Variants in HECW1 observed in about 807,000 individuals in gnomAD.
The protein encoded by HECW1 is E3 ubiquitin-protein ligase HECW1.
HECW1 carries 61 observed loss-of-function variants against 182.3 expected under a neutral mutation model. The observed-to-expected ratio is 0.33, with a 90% CI of 0.27 to 0.41. The LOEUF is 0.41. HECW1 is among the 10% of genes least tolerant of loss of function. The pLI is 1.00. For synonymous variants in HECW1, 859 were observed against 832.6 expected (o/e 1.03, Z -0.55); for missense variants, 1,739 against 2,108.9 (o/e 0.82, Z 3.44).
chr7:43,295,279 G>T (rs1039156958), intron 3 of HECW1, among the ~76,000 whole-genome samples: 26 of 151,986 alleles, frequency 1.7e-4, no homozygotes, highest in African/African-American at 6.0e-4. Context: ...TGTGAGGGAG[G>T]TATATAGCTT....
chr7:43,223,388 C>T (rs1301387778), intron 2 of HECW1, among the ~76,000 whole-genome samples: 1 of 152,150 alleles, frequency 6.6e-6, no homozygotes, highest in Admixed American at 6.5e-5. Context: ...GAGGCTGAGG[C>T]GGGCAGATCA....
At chr7:43,367,919 C>A (rs942651288) in intron 6 of HECW1, among the ~76,000 whole-genome samples, 1 of 152,188 alleles carries the variant, frequency 6.6e-6, no homozygotes, top group African/African-American at 2.4e-5. Context: ...CTCTAATCTT[C>A]TTTTCCCAGA....
chr7:43,115,067 T>C (rs910053144), intron 2 of HECW1, among the ~76,000 whole-genome samples: 2 of 152,202 alleles, frequency 1.3e-5, no homozygotes, highest in African/African-American at 4.8e-5. Context: ...GTAAAGGAAG[T>C]TGGACTGGCT....
chr7:43,143,473 A>G (rs1788383575), intron 2 of HECW1, among the ~76,000 whole-genome samples: 2 of 151,734 alleles, frequency 1.3e-5, no homozygotes, highest in Admixed American at 6.6e-5. Context: ...TTTGTTAGAG[A>G]CAGGCTCTCA....
intron 4 of HECW1, among the ~76,000 whole-genome samples, chr7:43,312,318 G>A (rs1348063634): frequency 6.6e-6 from 1 of 152,168 alleles, no homozygotes; most frequent in Non-Finnish European, 1.5e-5. Flanking sequence ...GCAGAGTCAG[G>A]TGTGGTTAAA....
chr7:43,559,111 T>C (rs965460227), intron 29 of HECW1, among the ~76,000 whole-genome samples: 7 of 152,168 alleles, frequency 4.6e-5, no homozygotes, highest in African/African-American at 9.7e-5. Flanking sequence ...AAGACTTTCT[T>C]TGGCCCTGTG....
At chr7:43,131,206 G>A (rs182437172) in intron 2 of HECW1, among the ~76,000 whole-genome samples, 2 of 152,242 alleles carry the variant, frequency 1.3e-5, no homozygotes, top group Admixed American at 1.3e-4. Context: ...CAGAGGTTGC[G>A]GTGAGCCGAG....
chr7:43,189,139 A>T (rs1488873841), intron 2 of HECW1, among the ~76,000 whole-genome samples: 4 of 152,232 alleles, frequency 2.6e-5, no homozygotes, highest in African/African-American at 2.4e-5. Flanking sequence ...TTTTACAATG[A>T]CATAATTTAG....
intron 15 of HECW1, among the ~76,000 whole-genome samples, chr7:43,468,637 C>T (rs1412964936): frequency 6.6e-6 from 1 of 152,190 alleles, no homozygotes; most frequent in Non-Finnish European, 1.5e-5. Context: ...CCTCCCACCT[C>T]AGCCTCCCAA....
intron 3 of HECW1, chr7:43,274,511 T>TG (rs1231656888): frequency 1.7e-6 from 1 of 592,038 alleles, no homozygotes; most frequent in Non-Finnish European, 3.1e-6. Flanking sequence ...ATCATGAAGG[T>TG]GGAGGAGATC....
At chr7:43,305,338 C>A (rs1335174767) in intron 3 of HECW1, among the ~76,000 whole-genome samples, 1 of 152,120 alleles carries the variant, frequency 6.6e-6, no homozygotes, top group Non-Finnish European at 1.5e-5. Flanking sequence ...AAGAACTAAG[C>A]TTTCCTTTTA....
At chr7:43,483,545 C>G (rs557682259) in intron 17 of HECW1, among the ~76,000 whole-genome samples, 1 of 101,338 alleles carries the variant, frequency 9.9e-6, no homozygotes, top group Non-Finnish European at 2.4e-5. Context: ...TCCATGCAAA[C>G]TCTTTTTTTT....
intron 2 of HECW1, among the ~76,000 whole-genome samples, chr7:43,183,707 G>T (rs1793085586): frequency 1.3e-5 from 2 of 152,100 alleles, no homozygotes; most frequent in African/African-American, 2.4e-5. Flanking sequence ...GGTTACAACT[G>T]ATGAACGAGT....
chr7:43,541,764 G>T (rs2081371420), intron 25 of HECW1, 105 bp from the exon 26 acceptor site: 21 of 1,055,930 alleles, frequency 2.0e-5, no homozygotes, highest in Non-Finnish European at 2.7e-5. Flanking sequence ...CAATTGTTAG[G>T]ATAAGTCTGT....
chr7:43,326,289 C>G (rs761281436), intron 5 of HECW1, among the ~76,000 whole-genome samples: 15 of 152,160 alleles, frequency 9.9e-5, no homozygotes, highest in Non-Finnish European at 1.5e-5. Flanking sequence ...GTAATGACTC[C>G]CCCCTTGACC....
chr7:43,246,745 T>A (rs1344321557), intron 3 of HECW1, among the ~76,000 whole-genome samples: 1 of 152,212 alleles, frequency 6.6e-6, no homozygotes, highest in East Asian at 1.9e-4. Flanking sequence ...GACTGGCATC[T>A]CTGTGTCTGT....
intron 2 of HECW1, among the ~76,000 whole-genome samples, chr7:43,184,478 C>T (rs1029744174): frequency 1.2e-4 from 19 of 152,194 alleles, no homozygotes; most frequent in African/African-American, 4.1e-4. Context: ...TTTCTAAAAT[C>T]CTTGGAATCT....
At chr7:43,325,292 T>G (rs1404498407) in intron 5 of HECW1, among the ~76,000 whole-genome samples, 1 of 152,248 alleles carries the variant, frequency 6.6e-6, no homozygotes, top group Non-Finnish European at 1.5e-5. Context: ...TGATACTGTA[T>G]TATTGTAGTA....
Position 43,421,399 on chromosome 7 carries a change from A to C in HECW1, c.801+13668A>C, listed in dbSNP as rs573753639. On this transcript the variant is annotated intron_variant, in intron 8 of 29. Coordinates refer to ENST00000395891, the MANE Select transcript of HECW1 (RefSeq NM_015052.5). ...TGTGGAAGCCAAAAAAATCTTAAAT[A>C]GAAAATAGAAAGCATTAATCATAAA... Among the ~76,000 whole-genome samples the C allele has an allele frequency of 1.4e-4, 21 of 152,362 alleles. No individual in the cohort carries two copies. The South Asian group carries it at 1.7e-3, about 12-fold the overall frequency.
Sources: allele counts gnomAD v4.1 joint callset (sites outside exome capture counted in the v4.1 genomes callset), GRCh38; gene constraint gnomAD v4.1.1; transcripts MANE v1.5; gene names NCBI Gene and HGNC (gene_info 2026-07-23, HGNC 2026-07-21).